The following PHF20 variants were observed in gnomAD, a reference collection of about 807,000 sequenced individuals.
PHF20 encodes the protein glioma-expressed antigen 2.
PHF20 carries 23 observed loss-of-function variants against 113.5 expected under a neutral mutation model. That is an observed-to-expected ratio of 0.20 (90% CI 0.15 to 0.29). The LOEUF is 0.29. Among genes scored for constraint, PHF20 ranks in the 10% least tolerant of loss-of-function variants. The probability of loss-of-function intolerance (pLI) is 1.00; values close to 1 mark genes in which losing one functional copy is unlikely to be tolerated. For missense variants in PHF20, 943 were observed against 1,219.6 expected (o/e 0.77, Z 3.38); for synonymous variants, 434 against 457.3 (o/e 0.95, Z 0.65).
intron 3 of PHF20, 34 bp downstream of exon 3, chr20:35,842,778 C>G (rs779238444): frequency 8.8e-6 from 14 of 1,583,838 alleles, no homozygotes; most frequent in Non-Finnish European, 1.2e-5. Context: ...CTGTAGTATG[C>G]AAGGTCAGCC....
chr20:35,842,801 G>T, intron 3 of PHF20, 57 bp downstream of exon 3: 6 of 1,490,532 alleles, frequency 4.0e-6, no homozygotes, highest in Non-Finnish European at 5.5e-6. Context: ...TGGGCTGTTT[G>T]TGTTTCAATC....
At chr20:35,927,963 G>T in intron 14 of PHF20, 84 bp downstream of exon 14, 1 of 951,940 alleles carries the variant, frequency 1.1e-6, no homozygotes. Flanking sequence ...AAATGTCTGC[G>T]GTCTTGAGAC....
At chr20:35,936,187 T>C (rs2055860779) in intron 15 of PHF20, among the ~76,000 whole-genome samples, 1 of 152,188 alleles carries the variant, frequency 6.6e-6, no homozygotes, top group Non-Finnish European at 1.5e-5. Flanking sequence ...TAACAGGTAG[T>C]GGACCTGAAA....
intron 2 of PHF20, among the ~76,000 whole-genome samples, chr20:35,815,448 A>T (rs984573672): frequency 2.6e-5 from 4 of 151,804 alleles, no homozygotes; most frequent in Non-Finnish European, 5.9e-5. Context: ...ACATTGTGGC[A>T]TGTGCCTGTA....
intron 2 of PHF20, among the ~76,000 whole-genome samples, chr20:35,828,365 TG>T (rs1210733888): frequency 6.6e-6 from 1 of 152,112 alleles, no homozygotes; most frequent in African/African-American, 2.4e-5. Context: ...ACTGATGAGT[TG>T]TAGTGGGAAT....
At chr20:35,846,510 A>G (rs1347725287) in intron 3 of PHF20, among the ~76,000 whole-genome samples, 1 of 152,204 alleles carries the variant, frequency 6.6e-6, no homozygotes, top group Non-Finnish European at 1.5e-5. Flanking sequence ...GGAAAAGAGT[A>G]TAAAATATTA....
Position 35,799,443 on chromosome 20 carries a change from A to G in PHF20, c.-32-2048A>G, listed in dbSNP as rs565780315. ...ATAGCGCCACTGCATTCCAGCCTGG[A>G]CAACAGAATGAGACCCTGTCTAAAA... On this transcript the variant is annotated intron_variant, in intron 1 of 17. Transcript: ENST00000374012. Among the ~76,000 whole-genome samples, 66 of 151,808 alleles carry G rather than the reference A, an allele frequency of 4.3e-4. 1 individual carries two copies. The South Asian group carries it at 4.6e-3, about 11-fold the overall frequency.
At chr20:35,876,598 C>G (rs1187228864) in intron 9 of PHF20, among the ~76,000 whole-genome samples, 1 of 151,958 alleles carries the variant, frequency 6.6e-6, no homozygotes, top group Non-Finnish European at 1.5e-5. Flanking sequence ...AAGCCAGAGA[C>G]GAATGCAGTT....
At chr20:35,926,364 A>T (rs1172215649) in intron 13 of PHF20, among the ~76,000 whole-genome samples, 1 of 147,990 alleles carries the variant, frequency 6.8e-6, no homozygotes, top group African/African-American at 2.5e-5. Context: ...CAGCCTCCCG[A>T]GTAGCTGGGA....
At chr20:35,888,023 C>G (rs564801968) in intron 9 of PHF20, among the ~76,000 whole-genome samples, 5 of 150,824 alleles carry the variant, frequency 3.3e-5, no homozygotes, top group Admixed American at 3.3e-4. Flanking sequence ...TCTTGTTGCC[C>G]AGGCTGGAGT....
chr20:35,930,215 C>A (rs2055725338), intron 14 of PHF20, among the ~76,000 whole-genome samples: 1 of 152,172 alleles, frequency 6.6e-6, no homozygotes. Flanking sequence ...TGCAGGGGGA[C>A]TTGAGGCATC....
At chr20:35,785,800 C>A (rs1266454762) in intron 1 of PHF20, among the ~76,000 whole-genome samples, 1 of 151,336 alleles carries the variant, frequency 6.6e-6, no homozygotes, top group Admixed American at 6.6e-5. Context: ...TGGTGGCTCA[C>A]GCTTGTAATC....
chr20:35,779,380 C>T (rs963714006), intron 1 of PHF20, among the ~76,000 whole-genome samples: 1 of 151,954 alleles, frequency 6.6e-6, no homozygotes, highest in African/African-American at 2.4e-5. Flanking sequence ...ATGTCAGGAA[C>T]ATAATTCTCA....
chr20:35,924,134 CTT>C (rs2055573128), intron 13 of PHF20, among the ~76,000 whole-genome samples: 1 of 151,136 alleles, frequency 6.6e-6, no homozygotes, highest in South Asian at 2.1e-4. Flanking sequence ...GCAACCATCT[CTT>C]TGTCTAAATG....
intron 10 of PHF20, among the ~76,000 whole-genome samples, chr20:35,906,469 C>T (rs2055202894): frequency 7.0e-6 from 1 of 142,634 alleles, no homozygotes; most frequent in Non-Finnish European, 1.6e-5. Flanking sequence ...CTAAAGGTCC[C>T]TGGGCCTTGC....
At chr20:35,820,481 C>A in intron 2 of PHF20, among the ~76,000 whole-genome samples, 1 of 145,480 alleles carries the variant, frequency 6.9e-6, no homozygotes, top group Admixed American at 7.0e-5. Flanking sequence ...TGGAGTCTCA[C>A]TCTGCCACCC....
chr20:35,869,869 C>T (rs2054386609), intron 7 of PHF20, among the ~76,000 whole-genome samples: 1 of 152,110 alleles, frequency 6.6e-6, no homozygotes. Context: ...TTTAAAAATA[C>T]TACTTATTGG....
chr20:35,797,714 C>G (rs373691098), intron 1 of PHF20, among the ~76,000 whole-genome samples: 1 of 147,778 alleles, frequency 6.8e-6, no homozygotes. Context: ...TGCAGTGGCA[C>G]GATGTCAACT....
intron 13 of PHF20, among the ~76,000 whole-genome samples, chr20:35,922,100 G>A (rs549900488): frequency 6.6e-6 from 1 of 152,302 alleles, no homozygotes; most frequent in South Asian, 2.1e-4. Context: ...GCAGAGTCAG[G>A]AGCCAACTTG....
Sources: allele counts gnomAD v4.1 joint callset (sites outside exome capture counted in the v4.1 genomes callset), GRCh38; gene constraint gnomAD v4.1.1; transcripts MANE v1.5; gene names NCBI Gene and HGNC (gene_info 2026-07-23, HGNC 2026-07-21).